Variants in RBFOX1 observed in about 807,000 individuals in gnomAD.
RBFOX1 encodes RNA binding protein fox-1 homolog 1.
A neutral mutation model predicts 57.7 loss-of-function variants in RBFOX1; 8 were observed. That is an observed-to-expected ratio of 0.14 (90% CI 0.08 to 0.25). The LOEUF is 0.25. Among genes scored for constraint, RBFOX1 ranks in the 10% least tolerant of loss-of-function variants. The pLI, the probability that RBFOX1 is intolerant of heterozygous loss-of-function variation, is 1.00. For missense variants in RBFOX1, 611 were observed against 548.5 expected (o/e 1.11, Z -1.14); for synonymous variants, 326 against 222.4 (o/e 1.47, Z -4.15).
chr16:6,906,071 A>G lies in RBFOX1; in HGVS notation c.-15-145986A>G, dbSNP rs545503676. 1.6e-3 allele frequency among the ~76,000 whole-genome samples: 241 copies of G among 152,140 alleles called. 2 individuals carry two copies. Among genetic ancestry groups the G allele is most frequent in the African/African-American group, 5.5e-3 (228 of 41,454 alleles). On this transcript the variant is annotated intron_variant, in intron 3 of 15. Transcript: ENST00000550418. ...GGAACAGTGAGCTCATCTCCACCTG[A>G]TACTTTGTCTTCGATGGAACGCTTT...
intron 1 of RBFOX1, among the ~76,000 whole-genome samples, chr16:6,153,369 C>T (rs2096813952): frequency 6.6e-6 from 1 of 152,110 alleles, no homozygotes; most frequent in African/African-American, 2.4e-5. Flanking sequence ...AATATTGTTC[C>T]TTGCTAATTG....
At chr16:6,461,587 A>C (rs1428841690) in intron 2 of RBFOX1, among the ~76,000 whole-genome samples, 1 of 152,334 alleles carries the variant, frequency 6.6e-6, no homozygotes, top group Admixed American at 6.5e-5. Context: ...GAAATGTTTT[A>C]TTGTGATGTG....
At chr16:6,881,233 A>G (rs868096863) in intron 3 of RBFOX1, among the ~76,000 whole-genome samples, 1 of 152,318 alleles carries the variant, frequency 6.6e-6, no homozygotes, top group Middle Eastern at 3.4e-3. Context: ...AGCATGAATT[A>G]GATATAAGGT....
intron 4 of RBFOX1, among the ~76,000 whole-genome samples, chr16:7,242,237 CAA>C (rs2094104503): frequency 6.6e-6 from 1 of 152,082 alleles, no homozygotes; most frequent in Non-Finnish European, 1.5e-5. Flanking sequence ...AAAGGACTGA[CAA>C]GAGTGTTCAC....
intron 2 of RBFOX1, among the ~76,000 whole-genome samples, chr16:6,578,631 G>A (rs1403362844): frequency 1.3e-5 from 2 of 151,228 alleles, no homozygotes; most frequent in Non-Finnish European, 2.9e-5. Context: ...GAGAAACAGA[G>A]GGACATAGGA....
intron 5 of RBFOX1, among the ~76,000 whole-genome samples, chr16:7,557,796 G>C (rs918009340): frequency 8.5e-5 from 13 of 152,140 alleles, no homozygotes; most frequent in East Asian, 1.9e-4. Flanking sequence ...GGGGGAAGGA[G>C]CGGGAGAGGG....
chr16:5,664,970 G>T (rs1158880814), intron 3 of RBFOX1, among the ~76,000 whole-genome samples: 2 of 151,436 alleles, frequency 1.3e-5, no homozygotes, highest in Admixed American at 6.6e-5. Flanking sequence ...ATCGAGATAG[G>T]GTCTTGTTCT....
chr16:5,421,571 G>A (rs2067327793), intron 1 of RBFOX1, among the ~76,000 whole-genome samples: 1 of 152,158 alleles, frequency 6.6e-6, no homozygotes, highest in African/African-American at 2.4e-5. Flanking sequence ...GGACTCGAGT[G>A]AGGCTCCTTG....
chr16:5,371,660 C>A (rs1344978469), intron 1 of RBFOX1, among the ~76,000 whole-genome samples: 1 of 152,184 alleles, frequency 6.6e-6, no homozygotes, highest in African/African-American at 2.4e-5. Flanking sequence ...GGGCAATTCA[C>A]GCACTTCTCT....
At chr16:5,377,738 C>A (rs1354910014) in intron 1 of RBFOX1, among the ~76,000 whole-genome samples, 1 of 151,418 alleles carries the variant, frequency 6.6e-6, no homozygotes, top group Non-Finnish European at 1.5e-5. Flanking sequence ...TAAGACAGAA[C>A]GTCTGTCTCC....
intron 3 of RBFOX1, among the ~76,000 whole-genome samples, chr16:6,989,841 A>C (rs187996036): frequency 1.2e-3 from 175 of 152,118 alleles, no homozygotes; most frequent in African/African-American, 4.0e-3. Flanking sequence ...CTCTACTAAA[A>C]ATACAAACAT....
intron 1 of RBFOX1, among the ~76,000 whole-genome samples, chr16:6,026,023 C>T (rs888594883): frequency 6.6e-6 from 1 of 152,184 alleles, no homozygotes; most frequent in South Asian, 2.1e-4. Flanking sequence ...TCGCCTCCCC[C>T]ACCCACCCAG....
At chr16:6,020,826 C>T (rs1416631369) in intron 1 of RBFOX1, among the ~76,000 whole-genome samples, 2 of 152,202 alleles carry the variant, frequency 1.3e-5, no homozygotes, top group East Asian at 3.9e-4. Flanking sequence ...CTGGAGCCTC[C>T]CTGGCGCCAG....
intron 4 of RBFOX1, among the ~76,000 whole-genome samples, chr16:7,325,679 C>T (rs752870692): frequency 1.3e-5 from 2 of 152,106 alleles, no homozygotes; most frequent in African/African-American, 4.8e-5. Context: ...GGTTGATGGT[C>T]TGGTGTATCC....
At chr16:6,931,299 A>G (rs866325649) in intron 3 of RBFOX1, among the ~76,000 whole-genome samples, 1,181 of 112,236 alleles carry the variant, frequency 0.011, 17 homozygotes, top group African/African-American at 0.033. Flanking sequence ...CTGTCTGTCT[A>G]TCTATCTATC....
intron 3 of RBFOX1, among the ~76,000 whole-genome samples, chr16:5,666,826 C>G (rs1180781557): frequency 6.6e-6 from 1 of 152,182 alleles, no homozygotes; most frequent in Non-Finnish European, 1.5e-5. Flanking sequence ...TGTGGGGTAA[C>G]TCCGGATTTT....
chr16:6,391,989 A>G (rs1013774611), intron 2 of RBFOX1, among the ~76,000 whole-genome samples: 16 of 152,212 alleles, frequency 1.1e-4, no homozygotes, highest in African/African-American at 3.9e-4. Context: ...CTTTTGAAGA[A>G]TAAGTAGGAT....
chr16:7,173,267 C>T (rs1475281001), intron 4 of RBFOX1, among the ~76,000 whole-genome samples: 1 of 152,158 alleles, frequency 6.6e-6, no homozygotes, highest in African/African-American at 2.4e-5. Flanking sequence ...CTACGAAAAC[C>T]TGGTCAAATC....
chr16:6,916,507 C>T (rs183604213), intron 3 of RBFOX1, among the ~76,000 whole-genome samples: 5 of 149,600 alleles, frequency 3.3e-5, no homozygotes, highest in Admixed American at 3.3e-4. Context: ...TTTTAATTGT[C>T]ATTCTACGAC....
Sources: allele counts gnomAD v4.1 joint callset (sites outside exome capture counted in the v4.1 genomes callset), GRCh38; gene constraint gnomAD v4.1.1; transcripts MANE v1.5; gene names NCBI Gene and HGNC (gene_info 2026-07-23, HGNC 2026-07-21).